Variants in PRKAR1A observed in about 807,000 individuals in gnomAD.
The protein encoded by PRKAR1A is cAMP-dependent protein kinase type I-alpha regulatory subunit.
A neutral mutation model predicts 52.0 loss-of-function variants in PRKAR1A; 3 were observed. The ratio of observed to expected loss-of-function variants is 0.06; its 90% CI spans 0.03 to 0.15. PRKAR1A has a LOEUF of 0.15. PRKAR1A is among the 10% of genes least tolerant of loss of function. The pLI is 1.00. For synonymous variants in PRKAR1A, 188 were observed against 168.4 expected (o/e 1.12, Z -0.90); for missense variants, 240 against 477.4 (o/e 0.50, Z 4.63).
chr17:68,497,727 T>A, the PRKAR1A span, among the ~76,000 whole-genome samples: 1 of 152,214 alleles, frequency 6.6e-6, no homozygotes, highest in Non-Finnish European at 1.5e-5. Context: ...GGATCAAGTA[T>A]GTTGCCCAAG....
the PRKAR1A span, chr17:68,436,296 G>A: frequency 1.7e-5 from 22 of 1,258,210 alleles, no homozygotes; most frequent in South Asian, 2.4e-5. Flanking sequence ...TCCAGCCCCC[G>A]ACGGCAGGGC....
At chr17:68,542,960 G>A in intron 11 of PRKAR1A, 1 of 703,340 alleles carries the variant, frequency 1.4e-6, no homozygotes, top group Non-Finnish European at 2.6e-6. Flanking sequence ...AGCTGGTAGT[G>A]CCCAGGTCAA....
chr17:68,426,253 G>GGGGGGGGGGGGA, the PRKAR1A span: 1 of 841,016 alleles, frequency 1.2e-6, no homozygotes, highest in Non-Finnish European at 1.9e-6. Flanking sequence ...GGGGAGCGGG[G>GGGGGGGGGGGGA]GCTCAAATAA....
the PRKAR1A span, among the ~76,000 whole-genome samples, chr17:68,414,931 G>C: frequency 6.6e-6 from 1 of 151,852 alleles, no homozygotes; most frequent in East Asian, 1.9e-4. Flanking sequence ...TTCTTTTCTT[G>C]GTTAATCTTG....
At chr17:68,418,036 T>C in the PRKAR1A span, among the ~76,000 whole-genome samples, 1 of 152,104 alleles carries the variant, frequency 6.6e-6, no homozygotes, top group African/African-American at 2.4e-5. Context: ...GGCTGAGTTG[T>C]TGATTTTTTA....
chr17:68,539,192 G>A (rs1458424989), intron 11 of PRKAR1A: 13 of 739,856 alleles, frequency 1.8e-5, no homozygotes, highest in Admixed American at 1.0e-4. Context: ...GTGCACAAAT[G>A]TGTAGGAAAT....
the PRKAR1A span, chr17:68,426,249 C>CGGGGGGGGG: frequency 1.3e-6 from 1 of 776,014 alleles, no homozygotes; most frequent in Non-Finnish European, 1.9e-6. Flanking sequence ...GGGTGGGGAG[C>CGGGGGGGGG]GGGGGCTCAA....
At chr17:68,458,123 G>T in the PRKAR1A span, among the ~76,000 whole-genome samples, 1 of 152,194 alleles carries the variant, frequency 6.6e-6, no homozygotes, top group Non-Finnish European at 1.5e-5. Flanking sequence ...CCTGAAATGG[G>T]GCTGCCTCAG....
the PRKAR1A span, among the ~76,000 whole-genome samples, chr17:68,495,248 G>A: frequency 3.9e-5 from 6 of 152,128 alleles, no homozygotes; most frequent in African/African-American, 1.4e-4. Flanking sequence ...TTCCAGGCTG[G>A]TTTCAAACTC....
chr17:68,530,382 G>A lies in PRKAR1A; in HGVS notation c.1079G>A (p.Gly360Asp). 1 of 1,614,060 alleles carries A rather than the reference G, an allele frequency of 6.2e-7. No individual in the cohort carries two copies. Among genetic ancestry groups the A allele is most frequent in the Non-Finnish European group, 8.5e-7 (1 of 1,179,978 alleles). ...CGACCTAGATTTGAACGTGTTCTTG[G>A]CCCATGCTCAGACATCCTCAAACGA... ...LDRPRFERVL[G>D]PCSDILKRNI... Residue 360 changes from glycine to aspartate, a missense_variant, in exon 11 of 11, where the codon GGC becomes GAC. Coordinates refer to ENST00000589228, the MANE Select transcript of PRKAR1A (RefSeq NM_002734.5).
chr17:68,529,147 T>C (rs1416887849), intron 9 of PRKAR1A, among the ~76,000 whole-genome samples, 156 bp downstream of exon 9: 1 of 152,224 alleles, frequency 6.6e-6, no homozygotes, highest in Admixed American at 6.5e-5. Context: ...TTTAAAATTA[T>C]CTTTTACTTT....
At chr17:68,522,107 T>G (rs2143261960) in intron 2 of PRKAR1A, among the ~76,000 whole-genome samples, 2 of 152,378 alleles carry the variant, frequency 1.3e-5, no homozygotes, top group Middle Eastern at 3.4e-3. Flanking sequence ...ACGATCTCGT[T>G]TAAATTCGTG....
chr17:68,543,864 G>C (rs774063292), intron 11 of PRKAR1A: 1 of 752,994 alleles, frequency 1.3e-6, no homozygotes, highest in South Asian at 1.4e-5. Context: ...GGCAAGTCAG[G>C]AATGGCCTGT....
chr17:68,487,130 C>G, the PRKAR1A span, among the ~76,000 whole-genome samples: 36 of 152,274 alleles, frequency 2.4e-4, no homozygotes, highest in East Asian at 6.4e-3. Context: ...CCTCGGCCTC[C>G]CAAAGTGCAG....
intron 5 of PRKAR1A, 99 bp from the exon 6 acceptor site, chr17:68,524,813 C>T (rs1027243584): frequency 7.7e-6 from 7 of 914,580 alleles, no homozygotes; most frequent in South Asian, 1.3e-5. Context: ...AACACACTCT[C>T]ACAGTACCAC....
At chr17:68,537,683 T>C (rs765389194), downstream of PRKAR1A, 1 of 1,613,742 alleles carries the variant, frequency 6.2e-7, no homozygotes, top group South Asian at 1.1e-5. This position sits in a 1 kb window ranked among gnomAD's most constrained non-coding sequence, Gnocchi z 4.2. Context: ...ATCACATCGC[T>C]GAGTCTGTAG....
At chr17:68,503,960 C>A in the PRKAR1A span, among the ~76,000 whole-genome samples, 1 of 152,164 alleles carries the variant, frequency 6.6e-6, no homozygotes, top group African/African-American at 2.4e-5. Flanking sequence ...ATTAGTACAA[C>A]CACTAGGAAG....
the PRKAR1A span, among the ~76,000 whole-genome samples, chr17:68,430,605 C>T: frequency 1.6e-4 from 24 of 152,172 alleles, no homozygotes; most frequent in East Asian, 1.2e-3. Context: ...AGCAAACCTC[C>T]GGGCAAGACA....
chr17:68,448,635 A>C, the PRKAR1A span, among the ~76,000 whole-genome samples: 1 of 152,192 alleles, frequency 6.6e-6, no homozygotes. Flanking sequence ...GAAATCATAC[A>C]AGCAAATACA....
Sources: gnomAD v4.1 joint callset for allele counts (sites outside exome capture counted in the v4.1 genomes callset) on GRCh38, gnomAD v4.1.1 for gene constraint, Gnocchi (gnomAD v3.1) non-coding constraint, MANE v1.5 for transcripts, NCBI Gene and HGNC (gene_info 2026-07-23, HGNC 2026-07-21) for gene names.